Variants in CTNNA3 observed in about 807,000 individuals in gnomAD.
CTNNA3 encodes catenin alpha-3.
In CTNNA3, 76 loss-of-function variants were observed where a neutral mutation model predicts 95.7. The ratio of observed to expected loss-of-function variants is 0.79; its 90% confidence interval spans 0.66 to 0.96. The LOEUF (loss-of-function observed/expected upper bound fraction) is 0.96. CTNNA3 is among the 40% of genes least tolerant of loss of function. The probability of loss-of-function intolerance (pLI) is 0.00; values close to 1 mark genes in which losing one functional copy is unlikely to be tolerated. For missense variants in CTNNA3, 1,191 were observed against 1,089.8 expected (o/e 1.09, Z -1.31); for synonymous variants, 431 against 374.4 (o/e 1.15, Z -1.74).
intron 9 of CTNNA3, among the ~76,000 whole-genome samples, chr10:66,685,664 A>T (rs10997303): frequency 2.7e-5 from 4 of 150,758 alleles, no homozygotes; most frequent in African/African-American, 9.8e-5. Flanking sequence ...GAGACACCGC[A>T]CCAGGCCAAG....
intron 5 of CTNNA3, among the ~76,000 whole-genome samples, chr10:67,386,238 G>A (rs1363310699): frequency 6.6e-6 from 1 of 152,222 alleles, no homozygotes; most frequent in African/African-American, 2.4e-5. Flanking sequence ...TGGACAGTCT[G>A]ACGAAAGCAT....
chr10:66,868,827 C>T (rs1844288528), intron 7 of CTNNA3, among the ~76,000 whole-genome samples: 1 of 149,968 alleles, frequency 6.7e-6, no homozygotes, highest in African/African-American at 2.4e-5. Flanking sequence ...CAAAATGGCA[C>T]ACAAAATGCA....
At chr10:66,280,032 T>A (rs949697002) in intron 13 of CTNNA3, among the ~76,000 whole-genome samples, 1 of 152,032 alleles carries the variant, frequency 6.6e-6, no homozygotes, top group Non-Finnish European at 1.5e-5. Flanking sequence ...CAGAACACTC[T>A]GTGATTTTAT....
intron 5 of CTNNA3, among the ~76,000 whole-genome samples, chr10:67,257,801 A>C (rs1283556505): frequency 6.6e-6 from 1 of 152,232 alleles, no homozygotes; most frequent in Non-Finnish European, 1.5e-5. Flanking sequence ...AAAATAGAAT[A>C]AAGAATTGAG....
chr10:67,219,477 G>T lies in CTNNA3; in HGVS notation c.843+130C>A, dbSNP rs1228382996. The T allele has an allele frequency of 1.4e-5, 14 of 971,330 alleles. No homozygotes were observed. In the East Asian group the frequency reaches 3.6e-4, roughly 25 times the overall value. The allele number at this position is 971,330 out of a possible 1,614,324, so 60.2% of individuals were successfully genotyped here. On this transcript the variant is annotated intron_variant, in intron 6 of 17. Coordinates refer to ENST00000433211, the MANE Select transcript of CTNNA3 (RefSeq NM_013266.4). ...TCAATTCTTTGGAAGACTCAAGAAG[G>T]TGATAGAGACTAATCTGGATTTTTT...
intron 13 of CTNNA3, among the ~76,000 whole-genome samples, chr10:66,230,561 G>A (rs145968750): frequency 7.9e-4 from 121 of 152,238 alleles, no homozygotes; most frequent in African/African-American, 2.9e-3. Flanking sequence ...CAGGTTGGTT[G>A]GTCCTTGGTC....
chr10:67,128,782 A>G (rs1859848511), intron 7 of CTNNA3, among the ~76,000 whole-genome samples: 2 of 152,116 alleles, frequency 1.3e-5, no homozygotes, highest in Non-Finnish European at 2.9e-5. Context: ...ATAAATACCT[A>G]TTTGAGGGAA....
At chr10:66,450,239 G>T (rs76216956) in intron 11 of CTNNA3, among the ~76,000 whole-genome samples, 1 of 152,028 alleles carries the variant, frequency 6.6e-6, no homozygotes, top group Admixed American at 6.6e-5. Context: ...TTGATATTTT[G>T]CAGTTATGTT....
At chr10:67,739,511 T>A (rs1183533045) in intron 1 of CTNNA3, among the ~76,000 whole-genome samples, 1 of 151,800 alleles carries the variant, frequency 6.6e-6, no homozygotes, top group Non-Finnish European at 1.5e-5. Context: ...TATACACCAA[T>A]AACAGACAAA....
intron 13 of CTNNA3, among the ~76,000 whole-genome samples, chr10:66,179,737 C>A (rs535207687): frequency 2.0e-5 from 3 of 151,736 alleles, no homozygotes; most frequent in African/African-American, 7.3e-5. Context: ...ACTTATACTG[C>A]TGTGGTAATA....
At chr10:66,638,246 C>T (rs557935160) in intron 9 of CTNNA3, among the ~76,000 whole-genome samples, 2 of 152,260 alleles carry the variant, frequency 1.3e-5, no homozygotes, top group Non-Finnish European at 2.9e-5. Context: ...GGAAACTGTT[C>T]CTGCAAGTGA....
chr10:67,233,059 A>T (rs1865293551), intron 5 of CTNNA3, among the ~76,000 whole-genome samples: 1 of 152,210 alleles, frequency 6.6e-6, no homozygotes, highest in African/African-American at 2.4e-5. Context: ...CACAATAATA[A>T]TGCGAGACTT....
intron 11 of CTNNA3, among the ~76,000 whole-genome samples, chr10:66,423,540 C>T (rs1374081012): frequency 2.6e-5 from 4 of 152,092 alleles, no homozygotes; most frequent in Non-Finnish European, 5.9e-5. Context: ...ACATCTCGAA[C>T]CAGAAACATT....
intron 7 of CTNNA3, among the ~76,000 whole-genome samples, chr10:67,033,168 A>G (rs1283452071): frequency 6.6e-6 from 1 of 152,198 alleles, no homozygotes; most frequent in Non-Finnish European, 1.5e-5. Context: ...ATTGCTTTCA[A>G]ATATATGATC....
chr10:67,035,506 G>C (rs1853988813), intron 7 of CTNNA3, among the ~76,000 whole-genome samples: 1 of 152,044 alleles, frequency 6.6e-6, no homozygotes. Context: ...AAAGAATATA[G>C]GAGAAAGTTT....
intron 5 of CTNNA3, among the ~76,000 whole-genome samples, chr10:67,472,834 T>C (rs571635019): frequency 7.9e-5 from 12 of 152,332 alleles, no homozygotes; most frequent in Middle Eastern, 3.4e-3. Flanking sequence ...AAGGACCAAC[T>C]TGGCCTTCTG....
At chr10:67,228,383 G>A (rs950503159) in intron 5 of CTNNA3, among the ~76,000 whole-genome samples, 3 of 152,148 alleles carry the variant, frequency 2.0e-5, no homozygotes, top group African/African-American at 7.2e-5. Flanking sequence ...GGGAGACTGA[G>A]GCGGGCAGAT....
intron 10 of CTNNA3, among the ~76,000 whole-genome samples, chr10:66,524,529 G>A (rs1032583763): frequency 2.6e-5 from 4 of 152,054 alleles, no homozygotes; most frequent in Non-Finnish European, 5.9e-5. Flanking sequence ...TATGAGGTTT[G>A]ACATAAAAAG....
intron 7 of CTNNA3, chr10:66,925,951 AAG>A: frequency 4.4e-6 from 2 of 453,284 alleles, no homozygotes; most frequent in Non-Finnish European, 8.9e-6. Flanking sequence ...TGCAAGATAA[AAG>A]AGAGACATTT....
Sources: gnomAD v4.1 joint callset for allele counts (sites outside exome capture counted in the v4.1 genomes callset) on GRCh38, gnomAD v4.1.1 for gene constraint, MANE v1.5 for transcripts, NCBI Gene and HGNC (gene_info 2026-07-23, HGNC 2026-07-21) for gene names.